CEP164: variants seen among roughly 807,000 people sequenced by gnomAD.
CEP164 encodes the protein centrosomal protein 164.
A neutral mutation model predicts 182.7 loss-of-function variants in CEP164; 162 were observed. That is an observed-to-expected ratio of 0.89 (90% confidence interval 0.78 to 1.01). The LOEUF (loss-of-function observed/expected upper bound fraction) is 1.01. Among genes scored for constraint, CEP164 ranks in the 50% least tolerant of loss-of-function variants. CEP164 has a pLI of 0.00. For synonymous variants in CEP164, 661 were observed against 690.0 expected (o/e 0.96, Z 0.66); for missense variants, 1,735 against 1,790.4 (o/e 0.97, Z 0.56).
intron 13 of CEP164, 112 bp from the exon 14 acceptor site, chr11:117,382,684 T>C: frequency 3.1e-6 from 4 of 1,291,356 alleles, no homozygotes; most frequent in African/African-American, 1.5e-5. Flanking sequence ...AGGGAAATTG[T>C]TGGGCTGTCT....
rs774384186 is a variant in CEP164, at chr11:117,382,859, G to A, written c.1641G>A (p.Glu547=). 1.9e-6 allele frequency: 3 copies of A among 1,614,142 alleles called. No individual in the cohort carries two copies. The highest frequency in any genetic ancestry group is 2.2e-5 in the East Asian group (1 of 44,884). ...GCAAGGAGCAGCATTCCCAGGCCGA[G>A]GAGCTGGGCCCTGGGCAGGAAGAGG... ...EKGKEQHSQA[E]ELGPGQEEAE... Residue 547 remains glutamate (E), a synonymous_variant, in exon 14 of 33, where the codon GAG becomes GAA. Transcript: ENST00000278935.
chr11:117,330,970 G>C (rs1416952022), intron 1 of CEP164, among the ~76,000 whole-genome samples: 1 of 152,188 alleles, frequency 6.6e-6, no homozygotes, highest in Non-Finnish European at 1.5e-5. Context: ...CAAAGCTTTT[G>C]CTCATTACCA....
At position 117,410,814 on chromosome 11, in the gene CEP164, C is replaced by G. The variant is rs1340092293; in HGVS notation, c.4097-14C>G. The G allele has an allele frequency of 6.2e-7, 1 of 1,611,078 alleles. No individual in the cohort carries two copies. The highest frequency in any genetic ancestry group is 8.5e-7 in the Non-Finnish European group (1 of 1,178,292). On this transcript the variant is annotated splice_polypyrimidine_tract_variant and intron_variant, in intron 30 of 32. Coordinates refer to ENST00000278935, the MANE Select transcript of CEP164 (RefSeq NM_014956.5). ...CACTGCCCATTTCTGAGTCCTGTCC[C>G]CATGCTCTTCCAGCTGGCATCCCGC...
chr11:117,395,628 GA>G lies in CEP164; in HGVS notation c.2998del (p.Ile1000PhefsTer10). 2.5e-6 allele frequency: 4 copies of G among 1,613,968 alleles called. No individual in the cohort carries two copies. The highest frequency in any genetic ancestry group is 3.4e-6 in the Non-Finnish European group (4 of 1,180,028). Reference protein sequence around the residue: ...HLLQSNQQLREILDELQARKL... With the variant: ...HLLQSNQQLRXILDELQARKL... Reference sequence around the variant, plus strand: ...GTTGCAGTCAAACCAGCAGCTCCGAGAAATTCTTGATGAGCTGCAGGCCCGC... The same window carrying G: ...GTTGCAGTCAAACCAGCAGCTCCGAGAATTCTTGATGAGCTGCAGGCCCGC... On this transcript the variant is annotated frameshift_variant, in exon 24 of 33. Transcript: ENST00000278935. LOFTEE classifies it high-confidence loss of function.
In CEP164 at chr11:117,411,824, A is replaced by G; in HGVS notation, c.4193A>G (p.His1398Arg). The change falls in exon 32 of 33, where the codon CAT becomes CGT. Residue 1398 changes from histidine (H) to arginine (R), a missense_variant. His to Arg is a conservative substitution (Grantham distance 29, BLOSUM62 0). Transcript: ENST00000278935. The surrounding 1 kb of genome is among the most constrained non-coding windows in gnomAD (Gnocchi z 4.4). ...SEQLRLLQHS[H>R]SQVPEAGSTT... ...CAGCTCCGGCTCCTACAGCACTCCC[A>G]TTCGCAAGTCCCTGAGGCGGGCAGC... 6.2e-7 allele frequency: 1 copy of G among 1,614,048 alleles called. No individual in the cohort carries two copies.
intron 11 of CEP164, among the ~76,000 whole-genome samples, chr11:117,377,123 G>A (rs1381402839): frequency 1.3e-5 from 2 of 152,184 alleles, no homozygotes; most frequent in Non-Finnish European, 2.9e-5. Context: ...GGCAGAGGAA[G>A]CCCTAAGCCA....
At chr11:117,333,202 C>CAA (rs10665157) in intron 1 of CEP164, among the ~76,000 whole-genome samples, 2 of 151,702 alleles carry the variant, frequency 1.3e-5, no homozygotes, top group Non-Finnish European at 2.9e-5. Context: ...TTTGTAGAGA[C>CAA]GGTCTCACTA....
At chr11:117,355,978 C>A in intron 5 of CEP164, 1 of 1,116,802 alleles carries the variant, frequency 9.0e-7, no homozygotes, top group Non-Finnish European at 1.1e-6. Context: ...AGAAGCCTAG[C>A]TTGTCTGGGC....
At chr11:117,344,560 C>G (rs933672070) in intron 4 of CEP164, among the ~76,000 whole-genome samples, 1 of 152,168 alleles carries the variant, frequency 6.6e-6, no homozygotes, top group Admixed American at 6.6e-5. Flanking sequence ...TTAGGATGTG[C>G]TGAGGGGTTG....
chr11:117,409,799 C>T lies in CEP164; in HGVS notation c.3930C>T (p.Pro1310=). The change falls in exon 30 of 33, where the codon CCC becomes CCT. Residue 1310 remains proline, a synonymous_variant. Transcript: ENST00000278935. The surrounding 1 kb of genome is among the most constrained non-coding windows in gnomAD (Gnocchi z 4.4). ...CTCCCCGGGACCCTAAGAGCACCCC[C>T]ACCCCCACCTACTATGGCTCCCTGG... ...QLPPRDPKST[P]TPTYYGSLAR... is the part of the protein sequence containing the mutation. 1 of 1,611,992 alleles carries T rather than the reference C, an allele frequency of 6.2e-7. No homozygotes were observed. Among genetic ancestry groups the T allele is most frequent in the Non-Finnish European group, 8.5e-7 (1 of 1,179,398 alleles).
chr11:117,360,042 C>T (rs116163742), intron 5 of CEP164, among the ~76,000 whole-genome samples: 31 of 152,316 alleles, frequency 2.0e-4, no homozygotes, highest in African/African-American at 6.5e-4. Context: ...CACTACTGCC[C>T]TTCGGCAAGG....
chr11:117,339,974 C>T (rs1486529508), intron 3 of CEP164, among the ~76,000 whole-genome samples: 1 of 152,036 alleles, frequency 6.6e-6, no homozygotes, highest in African/African-American at 2.4e-5. Flanking sequence ...TGCTAGAATC[C>T]ACCTCCAGGT....
intron 5 of CEP164, among the ~76,000 whole-genome samples, chr11:117,357,807 T>C (rs993919052): frequency 1.3e-5 from 2 of 152,276 alleles, no homozygotes; most frequent in East Asian, 3.9e-4. Flanking sequence ...CCTCCTAGGG[T>C]CCCCAGAAAA....
chr11:117,409,511 G>A lies in CEP164; in HGVS notation c.3749-107G>A. On this transcript the variant is annotated intron_variant, in intron 29 of 32. Coordinates refer to ENST00000278935, the MANE Select transcript of CEP164 (RefSeq NM_014956.5). The surrounding 1 kb of genome is among the most constrained non-coding windows in gnomAD (Gnocchi z 4.4). ...TAAGGTTGAGGGGCTGTTGTCTGGAGAAGCAGGGAGGGGTGGCCAGTAGGG... is the reference window on the plus strand; with the variant it reads ...TAAGGTTGAGGGGCTGTTGTCTGGAAAAGCAGGGAGGGGTGGCCAGTAGGG... 1 of 972,632 alleles carries A rather than the reference G, an allele frequency of 1.0e-6. No homozygotes were observed. The highest frequency in any genetic ancestry group is 1.5e-6 in the Non-Finnish European group (1 of 645,976). The allele number at this position is 972,632 out of a possible 1,614,324, so 60.3% of individuals were successfully genotyped here.
chr11:117,396,480 T>G, intron 25 of CEP164, 70 bp from the exon 26 acceptor site: 1 of 1,258,160 alleles, frequency 7.9e-7, no homozygotes, highest in Non-Finnish European at 1.2e-6. Context: ...GGGAGGGGCT[T>G]TGGGGTCTTG....
chr11:117,365,096 A>G (rs1006505294), intron 8 of CEP164, among the ~76,000 whole-genome samples: 10 of 152,228 alleles, frequency 6.6e-5, no homozygotes, highest in Non-Finnish European at 1.5e-4. Context: ...ATCAAAGGAG[A>G]TGCTCAGGCT....
At chr11:117,363,574 T>C in intron 8 of CEP164, 68 bp downstream of exon 8, 1 of 1,142,430 alleles carries the variant, frequency 8.8e-7, no homozygotes, top group South Asian at 1.3e-5. Flanking sequence ...TATTAAGCCC[T>C]GCTACTTTGT....
intron 8 of CEP164, among the ~76,000 whole-genome samples, chr11:117,368,790 G>T (rs146035343): frequency 6.6e-6 from 1 of 152,340 alleles, no homozygotes; most frequent in Non-Finnish European, 1.5e-5. Context: ...TGCTTCACTT[G>T]AAGAGGAGAA....
At position 117,362,488 on chromosome 11, in the gene CEP164, G is replaced by A. The variant is rs1185978574; in HGVS notation, c.637G>A (p.Gly213Ser). Residue 213 changes from glycine to serine, a missense_variant, in exon 7 of 33, where the codon GGT becomes AGT. Gly to Ser is a moderately conservative substitution (Grantham distance 56). Coordinates refer to ENST00000278935, the MANE Select transcript of CEP164 (RefSeq NM_014956.5). The stretch of plus-strand genomic sequence containing the variant: ...GGACAAGACTGCTCTCAGCCTCTTG[G>A]GTTTAGGAGAAGAAACCAATGAGGA... ...YEDKTALSLLGLGEETNEEDE... is the reference protein window; with the variant it reads ...YEDKTALSLLSLGEETNEEDE... 6.2e-7 allele frequency: 1 copy of A among 1,613,820 alleles called. No homozygotes were observed. The highest frequency in any genetic ancestry group is 8.5e-7 in the Non-Finnish European group (1 of 1,179,976).
Sources: allele counts gnomAD v4.1 joint callset (sites outside exome capture counted in the v4.1 genomes callset), GRCh38; gene constraint gnomAD v4.1.1; non-coding constraint Gnocchi (gnomAD v3.1); transcripts MANE v1.5; gene names NCBI Gene and HGNC (gene_info 2026-07-23, HGNC 2026-07-21).